The following GPC6 variants were observed in gnomAD, a reference collection of about 807,000 sequenced individuals.
GPC6 encodes the protein glypican 6, also known as glypican-6.
In GPC6, 14 loss-of-function variants were observed where a neutral mutation model predicts 55.2. The ratio of observed to expected loss-of-function variants is 0.25; its 90% confidence interval spans 0.17 to 0.40. GPC6 has a LOEUF of 0.40. Among genes scored for constraint, GPC6 ranks in the 10% least tolerant of loss-of-function variants. The pLI is 1.00. For missense variants in GPC6, 641 were observed against 708.5 expected (o/e 0.90, Z 1.08); for synonymous variants, 278 against 259.6 (o/e 1.07, Z -0.68).
chr13:93,578,182 G>T (rs1287921979), intron 2 of GPC6, among the ~76,000 whole-genome samples: 1 of 151,994 alleles, frequency 6.6e-6, no homozygotes, highest in Admixed American at 6.6e-5. Flanking sequence ...TTGTGTCCTT[G>T]TCTGGTTTTG....
At chr13:93,845,700 G>C (rs1888146056) in intron 3 of GPC6, among the ~76,000 whole-genome samples, 1 of 148,358 alleles carries the variant, frequency 6.7e-6, no homozygotes, top group South Asian at 2.2e-4. Flanking sequence ...GGATGAAATT[G>C]GAAATCATCA....
intron 4 of GPC6, among the ~76,000 whole-genome samples, chr13:94,198,028 T>C (rs1243582990): frequency 6.6e-6 from 1 of 152,242 alleles, no homozygotes; most frequent in Non-Finnish European, 1.5e-5. Flanking sequence ...ATACTAACCA[T>C]TGTTATATAG....
chr13:93,561,404 G>GAT (rs66957373), intron 2 of GPC6, among the ~76,000 whole-genome samples: 9,371 of 104,526 alleles, frequency 0.09, 1,269 homozygotes, highest in South Asian at 0.13. Flanking sequence ...TATCCCTATC[G>GAT]ATATATATAT....
intron 7 of GPC6, among the ~76,000 whole-genome samples, chr13:94,384,343 G>A (rs535723178): frequency 2.6e-5 from 4 of 152,168 alleles, no homozygotes; most frequent in African/African-American, 4.8e-5. Context: ...GTATTTTCCC[G>A]ATGACTGTAC....
At chr13:93,912,121 G>C (rs1382546901) in intron 3 of GPC6, among the ~76,000 whole-genome samples, 1 of 152,140 alleles carries the variant, frequency 6.6e-6, no homozygotes, top group Non-Finnish European at 1.5e-5. Flanking sequence ...TCCATTCTTA[G>C]GCTTGCATTA....
chr13:93,323,344 A>T (rs1045659352), intron 1 of GPC6, among the ~76,000 whole-genome samples: 6 of 152,156 alleles, frequency 3.9e-5, no homozygotes, highest in African/African-American at 1.4e-4. Flanking sequence ...TATGTGTGAG[A>T]TATGTGATAT....
chr13:93,651,192 A>G (rs1880393034), intron 2 of GPC6, among the ~76,000 whole-genome samples: 1 of 152,176 alleles, frequency 6.6e-6, no homozygotes, highest in Admixed American at 6.5e-5. Context: ...TAAAATTGTT[A>G]TTAAAAACAA....
At chr13:94,382,246 T>A (rs1280341641) in intron 6 of GPC6, among the ~76,000 whole-genome samples, 168 bp from the exon 7 acceptor site, 1 of 152,198 alleles carries the variant, frequency 6.6e-6, no homozygotes, top group Non-Finnish European at 1.5e-5. Flanking sequence ...GAAAGGAGGC[T>A]TTCCCGGGCA....
chr13:93,937,585 A>T (rs1416935312), intron 3 of GPC6, among the ~76,000 whole-genome samples: 6 of 152,134 alleles, frequency 3.9e-5, no homozygotes, highest in Non-Finnish European at 5.9e-5. Flanking sequence ...TTCTTATTTT[A>T]TTTTATTTTT....
intron 2 of GPC6, among the ~76,000 whole-genome samples, chr13:93,588,319 A>G (rs527685599): frequency 6.6e-6 from 1 of 152,322 alleles, no homozygotes; most frequent in South Asian, 2.1e-4. Flanking sequence ...AAACAAACAA[A>G]AACAAAATAA....
chr13:93,314,708 G>A (rs1048891539), intron 1 of GPC6, among the ~76,000 whole-genome samples: 12 of 141,760 alleles, frequency 8.5e-5, no homozygotes, highest in Non-Finnish European at 1.5e-4. Flanking sequence ...AGAAAACAAG[G>A]AGGGGTGTGT....
intron 4 of GPC6, among the ~76,000 whole-genome samples, chr13:94,204,631 T>A (rs527914034): frequency 5.2e-4 from 79 of 152,322 alleles, no homozygotes; most frequent in African/African-American, 1.9e-3. Flanking sequence ...TCCCATAGAT[T>A]TGAACTTATA....
At chr13:93,477,367 C>T (rs1879339013) in intron 1 of GPC6, among the ~76,000 whole-genome samples, 1 of 152,114 alleles carries the variant, frequency 6.6e-6, no homozygotes. Flanking sequence ...GAAGATCCCT[C>T]TTGACTTTAT....
intron 6 of GPC6, among the ~76,000 whole-genome samples, chr13:94,363,440 A>T (rs1431888766): frequency 6.6e-6 from 1 of 152,186 alleles, no homozygotes; most frequent in Admixed American, 6.5e-5. Flanking sequence ...CGGACAGTTG[A>T]CTGGGGGTAT....
chr13:93,422,364 T>C (rs963644293), intron 1 of GPC6, among the ~76,000 whole-genome samples: 1 of 152,214 alleles, frequency 6.6e-6, no homozygotes, highest in African/African-American at 2.4e-5. Context: ...AGTTTGCCTT[T>C]AAATTGCCTC....
chr13:93,911,851 G>T (rs561887089), intron 3 of GPC6, among the ~76,000 whole-genome samples: 1 of 152,298 alleles, frequency 6.6e-6, no homozygotes, highest in South Asian at 2.1e-4. Flanking sequence ...CGATATAAGT[G>T]GTTACTGATA....
intron 3 of GPC6, among the ~76,000 whole-genome samples, chr13:93,952,237 A>C (rs1324055988): frequency 6.6e-6 from 1 of 152,152 alleles, no homozygotes; most frequent in African/African-American, 2.4e-5. Flanking sequence ...TAACAAAATG[A>C]AAATTAAATC....
intron 2 of GPC6, among the ~76,000 whole-genome samples, chr13:93,637,974 C>T (rs1380684448): frequency 2.0e-5 from 3 of 151,932 alleles, no homozygotes; most frequent in African/African-American, 7.3e-5. Flanking sequence ...ATGGAGTACT[C>T]ACCTTAAAAA....
chr13:93,935,386 C>T lies in GPC6; in HGVS notation c.712-92343C>T, dbSNP rs150445849. 2.0e-5 allele frequency among the ~76,000 whole-genome samples: 3 copies of T among 152,290 alleles called. No homozygotes were observed. In the East Asian group the frequency reaches 5.8e-4, roughly 29 times the overall value. ...ATTTGATTTTCTGTTACTCAATTCA[C>T]TTAAGATAATGGCCTTCAGCTCCAT... On this transcript the variant is annotated intron_variant, in intron 3 of 8. Coordinates refer to ENST00000377047, the MANE Select transcript of GPC6 (RefSeq NM_005708.5).
Sources: gnomAD v4.1 joint callset for allele counts (sites outside exome capture counted in the v4.1 genomes callset) on GRCh38, gnomAD v4.1.1 for gene constraint, MANE v1.5 for transcripts, NCBI Gene and HGNC (gene_info 2026-07-23, HGNC 2026-07-21) for gene names.